Variants in RBM12B observed in about 807,000 individuals in gnomAD.
The protein encoded by RBM12B is RNA binding motif protein 12B, also known as RNA-binding protein 12B.
Under a neutral mutation model 34.3 loss-of-function variants are expected in RBM12B, and 10 were observed. The observed-to-expected ratio is 0.29, with a 90% confidence interval of 0.18 to 0.49. RBM12B has a LOEUF of 0.49. Ranked by LOEUF, RBM12B falls within the 20% of genes least tolerant of loss-of-function variation. The pLI, the probability that RBM12B is intolerant of heterozygous loss-of-function variation, is 0.99. For missense variants in RBM12B, 1,139 were observed against 1,262.7 expected (o/e 0.90, Z 1.48); for synonymous variants, 477 against 437.1 (o/e 1.09, Z -1.14).
rs149124511 is a variant in RBM12B, at chr8:93,728,367, C to T, written c.*5038G>A. The T allele has an allele frequency of 8.9e-4, 909 of 1,024,130 alleles. 2 individuals carry two copies. The African/African-American group carries it at 0.014, about 16-fold the overall frequency. The allele number at this position is 1,024,130 out of a possible 1,614,324, so 63.4% of individuals were successfully genotyped here. A position where few individuals can be genotyped will look rare whatever the true frequency, so the allele number is the denominator to read the frequency against. ...TGACTAAATTGTAGAACTTTATACT[C>T]ACTTTGCTATGTTAAGCCTCAAAGT... On this transcript the variant is annotated 3_prime_UTR_variant, in exon 4 of 4. Coordinates refer to ENST00000520560, the MANE Select transcript of RBM12B (RefSeq NM_001377960.1).
At position 93,735,315 on chromosome 8, in the gene RBM12B, A is replaced by T. The variant is rs1350580365; in HGVS notation, c.1096T>A (p.Phe366Ile). ...CTCTTCTTTTCATAACGTGCAATGA[A>T]CTTCAGCATTTGTTTTCTAGAAATT... ...DPISRKQMLK[F>I]IARYEKKRSG... Residue 366 changes from phenylalanine to isoleucine, a missense_variant, in exon 4 of 4, where the codon TTC (phenylalanine) becomes ATC (isoleucine). By Grantham distance (21) the Phe-to-Ile change is conservative (BLOSUM62 0). Transcript: ENST00000520560. 1 of 1,613,926 alleles carries T rather than the reference A, an allele frequency of 6.2e-7. No homozygotes were observed. The highest frequency in any genetic ancestry group is 8.5e-7 in the Non-Finnish European group (1 of 1,180,026).
At chr8:93,739,514 T>C (rs938016459) in intron 2 of RBM12B, among the ~76,000 whole-genome samples, 1 of 152,204 alleles carries the variant, frequency 6.6e-6, no homozygotes, top group Non-Finnish European at 1.5e-5. Flanking sequence ...ATAACACACC[T>C]TGGAGACCAA....
rs775609490 is a variant in RBM12B, at chr8:93,736,369, C to T, written c.42G>A (p.Ala14=). The T allele has an allele frequency of 5.6e-6, 9 of 1,607,182 alleles. No homozygotes were observed. The highest frequency in any genetic ancestry group is 1.1e-5 in the South Asian group (1 of 90,506). ...AGAAGTGACGAATATCCACAGGCCC[C>T]GCAATAAAAGGAAGCCCCAGTAAAC... ...VIRLLGLPFI[A]GPVDIRHFFT... is the part of the protein sequence containing the mutation. Residue 14 remains alanine (A), a synonymous_variant, in exon 4 of 4, where the codon GCG becomes GCA. Coordinates refer to ENST00000520560, the MANE Select transcript of RBM12B (RefSeq NM_001377960.1).
chr8:93,734,704 C>CG lies in RBM12B; in HGVS notation c.1706dup (p.Glu570GlyfsTer14). The CG allele has an allele frequency of 6.2e-7, 1 of 1,613,862 alleles. No individual in the cohort carries two copies. The highest frequency in any genetic ancestry group is 1.3e-5 in the African/African-American group (1 of 75,024). ...CCTCTGGGGAGTGCCTGAAGTCCTC[C>CG]GGGGGGAACCTAAAGTCCTCTGAGG... On this transcript the variant is annotated frameshift_variant, in exon 4 of 4. Transcript: ENST00000520560. LOFTEE classifies it low-confidence loss of function (END_TRUNC).
chr8:93,735,570 G>A lies in RBM12B; in HGVS notation c.841C>T (p.Pro281Ser). Residue 281 changes from proline to serine, a missense_variant, in exon 4 of 4, where the codon CCT becomes TCT. By Grantham distance (74) the Pro-to-Ser change is moderately conservative. Coordinates refer to ENST00000520560, the MANE Select transcript of RBM12B (RefSeq NM_001377960.1). Reference protein sequence around the residue: ...KSPRRTRSRSPLGFYVHLKNL... With the variant: ...KSPRRTRSRSSLGFYVHLKNL... ...TTTAAGTGAACATAAAATCCAAGAG[G>A]GGAACGAGAACGTGTTCTTCTGGGA... 1 of 1,614,010 alleles carries A rather than the reference G, an allele frequency of 6.2e-7. No individual in the cohort carries two copies. The highest frequency in any genetic ancestry group is 8.5e-7 in the Non-Finnish European group (1 of 1,180,000).
chr8:93,740,028 GAAT>G (rs1029303592), intron 2 of RBM12B: 32 of 299,662 alleles, frequency 1.1e-4, no homozygotes, highest in Non-Finnish European at 2.0e-4. Flanking sequence ...GTGAGGGAGA[GAAT>G]TTTTTTTAAC....
chr8:93,731,863 GGATA>G lies in RBM12B; in HGVS notation c.*1538_*1541del, dbSNP rs1811804140. 6.6e-6 allele frequency: 1 copy of G among 152,096 alleles called. No homozygotes were observed. Among genetic ancestry groups the G allele is most frequent in the African/African-American group, 2.4e-5 (1 of 41,270 alleles). The allele number at this position is 152,096 out of a possible 1,614,324, so 9.4% of individuals were successfully genotyped here. On this transcript the variant is annotated 3_prime_UTR_variant, in exon 4 of 4. Coordinates refer to ENST00000520560, the MANE Select transcript of RBM12B (RefSeq NM_001377960.1). ...ATATGAGTATCCCAAGAGAAACCCT[GGATA>G]GAAAGAAACTTTTAAAGTCACTCTT...
In RBM12B at chr8:93,729,923, T is replaced by C. The variant is rs747530388; in HGVS notation, c.*3482A>G. The C allele has an allele frequency of 6.6e-6, 1 of 152,204 alleles. No individual in the cohort carries two copies. The highest frequency in any genetic ancestry group is 1.5e-5 in the Non-Finnish European group (1 of 68,028). The allele number at this position is 152,204 out of a possible 1,614,324, so 9.4% of individuals were successfully genotyped here. ...ATTGAGTATCCTTTATCTGAAGTGC[T>C]TGGGACCAGAAGTATTTAAGACTTT... On this transcript the variant is annotated 3_prime_UTR_variant, in exon 4 of 4. Coordinates refer to ENST00000520560, the MANE Select transcript of RBM12B (RefSeq NM_001377960.1).
chr8:93,740,422 C>A (rs1276057569), intron 2 of RBM12B: 2 of 457,418 alleles, frequency 4.4e-6, no homozygotes, highest in East Asian at 1.4e-4. Flanking sequence ...CAGCCAAAAT[C>A]AGCCTTCAAA....
rs749792658 is a variant in RBM12B at position 93,733,882 on chromosome 8, G to A, written c.2529C>T (p.Phe843=). The A allele has an allele frequency of 2.5e-6, 4 of 1,613,768 alleles. No individual in the cohort carries two copies. The highest frequency in any genetic ancestry group is 2.5e-6 in the Non-Finnish European group (3 of 1,179,900). Residue 843 remains phenylalanine, a synonymous_variant, in exon 4 of 4, where the codon TTC becomes TTT. Transcript: ENST00000520560. ...TAAGGTCTTCCTCTGGGAGCTGCCT[G>A]AAGTCCTCATCAGAAGGGCATCTAA... ...EDFRCPSDED[F]RQLPEEDLRE...
rs1159758699 is a variant in RBM12B at position 93,736,072 on chromosome 8, A to C, written c.339T>G (p.Val113=). The change falls in exon 4 of 4, where the codon GTT becomes GTG. Residue 113 remains valine, a synonymous_variant. Transcript: ENST00000520560. ...VDSLSNFIES[V]KEEASNSGYG... is the part of the protein sequence containing the mutation. ...ATCCAGAATTACTTGCTTCTTCCTT[A>C]ACAGACTCAATAAAATTAGACAGGC... is the stretch of plus-strand genomic sequence containing the variant. The C allele has an allele frequency of 6.2e-7, 1 of 1,614,184 alleles. No homozygotes were observed. Among genetic ancestry groups the C allele is most frequent in the Non-Finnish European group, 8.5e-7 (1 of 1,180,038 alleles).
chr8:93,739,316 G>C (rs999907498), intron 2 of RBM12B: 1 of 152,178 alleles, frequency 6.6e-6, no homozygotes, highest in Non-Finnish European at 1.5e-5. Context: ...AAAAACTCTA[G>C]TAATTTATCC....
rs1348859167 is a variant in RBM12B at position 93,734,091 on chromosome 8, G to A, written c.2320C>T (p.Pro774Ser). The change falls in exon 4 of 4, where the codon CCG becomes TCG. Residue 774 changes from proline to serine, a missense_variant. Pro to Ser is a moderately conservative substitution (Grantham distance 74). This residue lies in a region of RBM12B where 863 missense variants were observed against 869.5 expected (regional missense o/e 0.99). Coordinates refer to ENST00000520560, the MANE Select transcript of RBM12B (RefSeq NM_001377960.1). Reference sequence around the variant, plus strand: ...GGTCTCCGGAAGTGCTCCGGGGGCGGGCGCCTGAAATGCTCTGGGGGTGGC... The same window carrying A: ...GGTCTCCGGAAGTGCTCCGGGGGCGAGCGCCTGAAATGCTCTGGGGGTGGC... Reference protein sequence around the residue: ...RRPPPEHFRRPPPEHFRRPPQ... With the variant: ...RRPPPEHFRRSPPEHFRRPPQ... The A allele has an allele frequency of 6.4e-7, 1 of 1,562,004 alleles. No individual in the cohort carries two copies. Among genetic ancestry groups the A allele is most frequent in the Non-Finnish European group, 8.6e-7 (1 of 1,157,782 alleles).
At chr8:93,739,130 A>T (rs1391212242) in intron 2 of RBM12B, 1 of 152,228 alleles carries the variant, frequency 6.6e-6, no homozygotes, top group Non-Finnish European at 1.5e-5. Context: ...ACTCCCTCCT[A>T]TGCAAATTGG....
rs1193883151 is a variant in RBM12B at position 93,734,803 on chromosome 8, T to C, written c.1608A>G (p.Gln536=). 4 of 1,614,056 alleles carry C rather than the reference T, an allele frequency of 2.5e-6. No homozygotes were observed. The East Asian group carries it at 8.9e-5, about 36-fold the overall frequency. ...TCTGGGGATGCTTGAAGTTATCCAG[T>C]TGCCTCAAGTCCTCTAGCTGATGTC... ...NFRHQLEDLR[Q]LDNFKHPQRD... Residue 536 remains glutamine, a synonymous_variant, in exon 4 of 4, where the codon CAA becomes CAG. Coordinates refer to ENST00000520560, the MANE Select transcript of RBM12B (RefSeq NM_001377960.1).
chr8:93,736,487 C>T (rs1812026565), intron 3 of RBM12B, 49 bp from the exon 4 acceptor site: 1 of 1,419,558 alleles, frequency 7.0e-7, no homozygotes, highest in African/African-American at 1.4e-5. Flanking sequence ...TTTGAAGTAC[C>T]TTAGCCCAAA....
rs1256706059 is a variant in RBM12B, at chr8:93,732,399, G to C, written c.*1006C>G. ...AAATTCAACCACACAAGTCTTAACA[G>C]TTATAGAGTCTTTGCATGGACACAG... On this transcript the variant is annotated 3_prime_UTR_variant, in exon 4 of 4. Transcript: ENST00000520560. 4 of 152,174 alleles carry C rather than the reference G, an allele frequency of 2.6e-5. No homozygotes were observed. The highest frequency in any genetic ancestry group is 6.5e-5 in the Admixed American group (1 of 15,274). 9.4% of individuals were successfully genotyped at this position (152,174 alleles called of 1,614,324 possible).
intron 3 of RBM12B, among the ~76,000 whole-genome samples, chr8:93,736,857 T>C (rs1812036665): frequency 6.6e-6 from 1 of 152,200 alleles, no homozygotes. Flanking sequence ...TCATCTATGG[T>C]TAGTATATAA....
intron 2 of RBM12B, chr8:93,740,350 G>GCTT (rs1367242723): frequency 5.7e-5 from 26 of 457,258 alleles, no homozygotes; most frequent in Non-Finnish European, 1.1e-4. Context: ...AGGGGTCAGA[G>GCTT]CTTCCTTCTT....
Sources: gnomAD v4.1 joint callset for allele counts (sites outside exome capture counted in the v4.1 genomes callset) on GRCh38, gnomAD v4.1.1 for gene constraint, gnomAD v4.1.1 regional missense constraint, MANE v1.5 for transcripts, NCBI Gene and HGNC (gene_info 2026-07-23, HGNC 2026-07-21) for gene names.